Variants in EBF4 observed in about 807,000 individuals in gnomAD.
The protein encoded by EBF4 is EBF transcription factor 4.
A neutral mutation model predicts 67.1 loss-of-function variants in EBF4; 34 were observed. The observed-to-expected ratio is 0.51, with a 90% CI of 0.39 to 0.67. The LOEUF is 0.67. Ranked by LOEUF, EBF4 falls within the 30% of genes least tolerant of loss-of-function variation. EBF4 has a pLI of 0.00. For synonymous variants in EBF4, 387 were observed against 377.7 expected (o/e 1.02, Z -0.29); for missense variants, 837 against 873.3 (o/e 0.96, Z 0.52).
At chr20:2,758,457 C>T (rs2146527232) in intron 15 of EBF4, among the ~76,000 whole-genome samples, 1 of 152,048 alleles carries the variant, frequency 6.6e-6, no homozygotes, top group East Asian at 1.9e-4. Flanking sequence ...TTTCTCCTGC[C>T]AGCAAAGAGA....
chr20:2,748,508 G>C (rs926875443), intron 6 of EBF4, 41 bp from the exon 7 acceptor site: 2 of 1,533,758 alleles, frequency 1.3e-6, no homozygotes, highest in Non-Finnish European at 8.8e-7. Context: ...TCTGTTTCCA[G>C]AACCCCCAGA....
upstream of EBF4, chr20:2,692,831 G>A (rs1324468864): frequency 6.7e-6 from 1 of 149,574 alleles, no homozygotes. This position sits in a 1 kb window ranked among gnomAD's most constrained non-coding sequence, Gnocchi z 6.4. Flanking sequence ...CGGCGGCGGC[G>A]GGATGGCCCG....
At chr20:2,732,407 C>T (rs552292675) in intron 6 of EBF4, among the ~76,000 whole-genome samples, 5 of 152,344 alleles carry the variant, frequency 3.3e-5, no homozygotes, top group African/African-American at 1.2e-4. Flanking sequence ...TGGGCATGAG[C>T]CACCACACCC....
At chr20:2,717,769 G>T (rs980248849) in intron 6 of EBF4, among the ~76,000 whole-genome samples, 62 of 150,354 alleles carry the variant, frequency 4.1e-4, no homozygotes, top group African/African-American at 1.5e-3. Context: ...CACTGGCTAG[G>T]ACCTCAGTTA....
chr20:2,752,925 G>T (rs970078707), intron 14 of EBF4, among the ~76,000 whole-genome samples: 6 of 152,358 alleles, frequency 3.9e-5, no homozygotes, highest in Non-Finnish European at 2.9e-5. Flanking sequence ...GGAGGAGGCT[G>T]GCGCCGCCTG....
intron 6 of EBF4, among the ~76,000 whole-genome samples, chr20:2,731,965 T>C (rs1251819884): frequency 1.3e-5 from 2 of 152,228 alleles, no homozygotes; most frequent in African/African-American, 4.8e-5. Context: ...GCATGCTAGG[T>C]TGGGCCCCAG....
In EBF4 at chr20:2,707,604, G is replaced by T. The variant is rs567233948; in HGVS notation, c.415-343G>T. Reference sequence around the variant, plus strand: ...TGCTGGGGGAGGGGAGGGGCCTGGTGCTGGGTGGGCACAGGAGTATGTCTA... The same window carrying T: ...TGCTGGGGGAGGGGAGGGGCCTGGTTCTGGGTGGGCACAGGAGTATGTCTA... On this transcript the variant is annotated intron_variant, in intron 4 of 16. Coordinates refer to ENST00000609451, the Ensembl canonical transcript of EBF4. The surrounding 1 kb of genome is among the most constrained non-coding windows in gnomAD (Gnocchi z 4.6). 6.6e-6 allele frequency among the ~76,000 whole-genome samples: 1 copy of T among 152,220 alleles called. No individual in the cohort carries two copies. The highest frequency in any genetic ancestry group is 1.5e-5 in the Non-Finnish European group (1 of 67,990).
At chr20:2,738,944 C>A (rs965413411) in intron 6 of EBF4, among the ~76,000 whole-genome samples, 1 of 152,152 alleles carries the variant, frequency 6.6e-6, no homozygotes, top group African/African-American at 2.4e-5. Context: ...TATTTATAGT[C>A]CTCCAGCCCA....
chr20:2,754,760 A>G (rs2088210114), intron 14 of EBF4, among the ~76,000 whole-genome samples: 1 of 152,184 alleles, frequency 6.6e-6, no homozygotes. Context: ...GGTGGGATCC[A>G]GCGATGCCCC....
chr20:2,753,973 A>C (rs2325968), intron 14 of EBF4, among the ~76,000 whole-genome samples: 112,417 of 144,102 alleles, frequency 0.78, 41,990 homozygotes, highest in Middle Eastern at 0.82. Flanking sequence ...CCCTTGGGCC[A>C]ACACTGGTGG....
intron 6 of EBF4, among the ~76,000 whole-genome samples, chr20:2,748,343 C>T (rs1053456395): frequency 2.0e-5 from 3 of 151,940 alleles, no homozygotes; most frequent in Non-Finnish European, 4.4e-5. Context: ...GGTTGTATAG[C>T]GAAGTTGTCA....
Position 2,752,252 on chromosome 20 carries a change from GGCCCGAGCCGGGT to G in EBF4, c.1343_1351+4del, listed in dbSNP as rs2088163667. ...ATCGCCGTCGGGGACGCCACCCCGG[GGCCCGAGCCGGGT>G]GCGTGGGCCGCGCCTCCCCGCCGTC... On this transcript the variant is annotated splice_donor_variant and coding_sequence_variant, in exon 13 of 17. Transcript: ENST00000609451. LOFTEE classifies it high-confidence loss of function. 1 of 1,275,530 alleles carries G rather than the reference GGCCCGAGCCGGGT, an allele frequency of 7.8e-7. No individual in the cohort carries two copies. The highest frequency in any genetic ancestry group is 9.9e-7 in the Non-Finnish European group (1 of 1,014,398). 79.0% of individuals were successfully genotyped at this position (1,275,530 alleles called of 1,614,324 possible). A position where few individuals can be genotyped will look rare whatever the true frequency, so the allele number is the denominator to read the frequency against.
At position 2,693,727 on chromosome 20, in the gene EBF4, G is replaced by C; in HGVS notation, c.82G>C (p.Val28Leu). The change falls in exon 1 of 17, where the codon GTG becomes CTG. Residue 28 changes from valine (V) to leucine (L), a missense_variant. Coordinates refer to ENST00000609451, the Ensembl canonical transcript of EBF4. The surrounding 1 kb of genome is among the most constrained non-coding windows in gnomAD (Gnocchi z 4.6). ...GCTGCTGCCCGCCGGCCTGGGCTCA[G>C]TGCGCTCCTGGATGCAGGGCGCGGG... 7.2e-7 allele frequency: 1 copy of C among 1,386,420 alleles called. No homozygotes were observed. Among genetic ancestry groups the C allele is most frequent in the Non-Finnish European group, 9.3e-7 (1 of 1,076,708 alleles). 85.9% of individuals were successfully genotyped at this position (1,386,420 alleles called of 1,614,324 possible).
intron 2 of EBF4, 28 bp from the exon 3 acceptor site, chr20:2,705,946 C>T (rs1205165545): frequency 1.0e-5 from 16 of 1,548,196 alleles, no homozygotes; most frequent in South Asian, 3.6e-5. Flanking sequence ...CCTGAGCACC[C>T]GAGCATCCTC....
intron 6 of EBF4, among the ~76,000 whole-genome samples, chr20:2,723,743 A>AT (rs1350047343): frequency 1.3e-5 from 2 of 151,520 alleles, no homozygotes; most frequent in Non-Finnish European, 2.9e-5. Flanking sequence ...TTGAGATTAT[A>AT]TTTTTTTCAA....
At chr20:2,750,066 C>CGAGCTCT (rs2088118596) in intron 10 of EBF4, 93 bp downstream of exon 10, 32 of 1,457,150 alleles carry the variant, frequency 2.2e-5, no homozygotes, top group Non-Finnish European at 2.9e-5. Flanking sequence ...AGGAGTTAGC[C>CGAGCTCT]GAGCTCTACG....
chr20:2,723,348 A>AT (rs1351969219), intron 6 of EBF4, among the ~76,000 whole-genome samples: 9 of 151,024 alleles, frequency 6.0e-5, no homozygotes, highest in South Asian at 2.1e-4. Context: ...ATTTATTTTT[A>AT]TTTTTTTTTA....
intron 6 of EBF4, among the ~76,000 whole-genome samples, chr20:2,724,395 T>A (rs1789367109): frequency 6.6e-6 from 1 of 152,222 alleles, no homozygotes; most frequent in Non-Finnish European, 1.5e-5. Flanking sequence ...ACCTTTTCCT[T>A]CTTGCATTTT....
intron 6 of EBF4, among the ~76,000 whole-genome samples, chr20:2,730,618 A>C (rs2087801313): frequency 6.6e-6 from 1 of 152,202 alleles, no homozygotes; most frequent in Admixed American, 6.5e-5. Flanking sequence ...TTAAGCCACC[A>C]TATCACTCAA....
Sources: gnomAD v4.1 joint callset for allele counts (sites outside exome capture counted in the v4.1 genomes callset) on GRCh38, gnomAD v4.1.1 for gene constraint, Gnocchi (gnomAD v3.1) non-coding constraint, MANE v1.5 for transcripts, NCBI Gene and HGNC (gene_info 2026-07-23, HGNC 2026-07-21) for gene names.